THOC1: variants seen among roughly 807,000 people sequenced by gnomAD.
THOC1 encodes the protein THO complex subunit 1, also known as THO complex 1.
THOC1 carries 29 observed loss-of-function variants against 97.3 expected under a neutral mutation model. The observed-to-expected ratio is 0.30, with a 90% CI of 0.22 to 0.41. The LOEUF is 0.41. Among genes scored for constraint, THOC1 ranks in the 10% least tolerant of loss-of-function variants. The probability of loss-of-function intolerance (pLI) is 1.00; values close to 1 mark genes in which losing one functional copy is unlikely to be tolerated. For synonymous variants in THOC1, 255 were observed against 257.0 expected (o/e 0.99, Z 0.07); for missense variants, 529 against 761.9 (o/e 0.69, Z 3.60).
intron 7 of THOC1, among the ~76,000 whole-genome samples, chr18:255,135 CCT>C (rs1348156025): frequency 6.6e-6 from 1 of 152,168 alleles, no homozygotes; most frequent in East Asian, 1.9e-4. Flanking sequence ...CTCCTTATTC[CCT>C]GAGACGAGAC....
intron 11 of THOC1, among the ~76,000 whole-genome samples, chr18:228,003 G>T (rs1223273297): frequency 1.3e-5 from 2 of 152,100 alleles, no homozygotes; most frequent in African/African-American, 4.8e-5. Flanking sequence ...TTTAAGGATT[G>T]AATATATTTG....
At chr18:223,376 A>G in intron 17 of THOC1, 64 bp downstream of exon 17, 5 of 1,324,838 alleles carry the variant, frequency 3.8e-6, no homozygotes, top group Non-Finnish European at 5.2e-6. Flanking sequence ...ATAGCTGAGA[A>G]AAGGCTCCAT....
chr18:218,739 A>G, intron 18 of THOC1, 147 bp downstream of exon 18: 2 of 637,526 alleles, frequency 3.1e-6, no homozygotes, highest in Non-Finnish European at 5.4e-6. Flanking sequence ...ATGTGTACTA[A>G]CAAGAACTTG....
At chr18:223,546 A>G (rs375519048) in intron 16 of THOC1, 41 bp from the exon 17 acceptor site, 171 of 1,474,556 alleles carry the variant, frequency 1.2e-4, no homozygotes, top group Non-Finnish European at 1.5e-4. Context: ...TTTTATGGAC[A>G]CCATCCTCAT....
At chr18:252,437 T>G in intron 9 of THOC1, 102 bp downstream of exon 9, 1 of 883,220 alleles carries the variant, frequency 1.1e-6, no homozygotes, top group East Asian at 2.5e-5. Flanking sequence ...AAATTTCTTA[T>G]AATTTCTTTC....
At chr18:253,243 T>C (rs1052568098) in intron 8 of THOC1, among the ~76,000 whole-genome samples, 8 of 152,190 alleles carry the variant, frequency 5.3e-5, no homozygotes, top group African/African-American at 1.9e-4. Context: ...AATATGCATA[T>C]ATTTTAACCC....
intron 9 of THOC1, among the ~76,000 whole-genome samples, chr18:251,786 C>T (rs1000583814): frequency 2.6e-5 from 4 of 152,186 alleles, no homozygotes; most frequent in African/African-American, 9.7e-5. Flanking sequence ...GGGTTGGTTC[C>T]CGCCCTGCGC....
intron 11 of THOC1, among the ~76,000 whole-genome samples, chr18:240,443 A>G (rs1911858176): frequency 1.3e-5 from 2 of 152,232 alleles, no homozygotes; most frequent in Non-Finnish European, 2.9e-5. Context: ...TATTTAAAGA[A>G]CTGTTCTATC....
rs2143320802 is a variant in THOC1, at chr18:267,952, C to T, written c.54+14G>A. 3 of 1,610,620 alleles carry T rather than the reference C, an allele frequency of 1.9e-6. No homozygotes were observed. Among genetic ancestry groups the T allele is most frequent in the East Asian group, 2.2e-5 (1 of 44,720 alleles). ...GCGCCGGGTCAGGCCTGCACCCTCC[C>T]CTCTACAGCTCACCGTAAACCGCGT... On this transcript the variant is annotated intron_variant, in intron 1 of 20. Coordinates refer to ENST00000261600, the MANE Select transcript of THOC1 (RefSeq NM_005131.3).
intron 11 of THOC1, among the ~76,000 whole-genome samples, chr18:238,045 T>C (rs956460408): frequency 6.6e-6 from 1 of 151,862 alleles, no homozygotes; most frequent in African/African-American, 2.4e-5. Context: ...TTTTGTATTT[T>C]GTGGAGATGG....
At chr18:240,901 GAC>G (rs1434561216) in intron 11 of THOC1, among the ~76,000 whole-genome samples, 4 of 152,126 alleles carry the variant, frequency 2.6e-5, no homozygotes, top group Non-Finnish European at 5.9e-5. Flanking sequence ...GGGAGACAGT[GAC>G]AGATCATCAG....
chr18:266,351 T>C (rs756677110), intron 1 of THOC1, among the ~76,000 whole-genome samples: 6 of 152,118 alleles, frequency 3.9e-5, no homozygotes, highest in Non-Finnish European at 4.4e-5. Flanking sequence ...ACCAGTTAAA[T>C]AAGAGGGTTT....
At position 224,124 on chromosome 18, in the gene THOC1, A is replaced by C; in HGVS notation, c.1264T>G (p.Phe422Val). 6.2e-7 allele frequency: 1 copy of C among 1,611,772 alleles called. No homozygotes were observed. ...IIRKRTAPED[F>V]LGKGPTKKIL... The stretch of plus-strand genomic sequence containing the variant: ...TTTTTGGTGGGTCCTTTCCCTAGGA[A>C]GTCCTCGGGTGCTGTTCTCTTCCGA... Residue 422 changes from phenylalanine (F) to valine (V), a missense_variant, in exon 16 of 21, where the codon TTC (phenylalanine) becomes GTC (valine). Physicochemically the swap from Phe to Val is conservative, Grantham distance 50. Transcript: ENST00000261600.
intron 11 of THOC1, among the ~76,000 whole-genome samples, chr18:229,258 CAAA>C (rs1286612707): frequency 6.6e-6 from 1 of 152,216 alleles, no homozygotes; most frequent in Non-Finnish European, 1.5e-5. Flanking sequence ...TAAGCTCCCT[CAAA>C]AATCTCCCAC....
chr18:233,485 C>T (rs1437312805), intron 11 of THOC1, among the ~76,000 whole-genome samples: 2 of 152,140 alleles, frequency 1.3e-5, no homozygotes, highest in Non-Finnish European at 2.9e-5. Context: ...ACTCGGGAGG[C>T]TGAGGCAAGA....
chr18:243,532 C>T (rs768122671), intron 11 of THOC1, among the ~76,000 whole-genome samples: 1 of 151,108 alleles, frequency 6.6e-6, no homozygotes. Context: ...AGCAAAACTC[C>T]GTCTCAAAAA....
At chr18:238,746 T>G (rs1411029296) in intron 11 of THOC1, among the ~76,000 whole-genome samples, 1 of 152,234 alleles carries the variant, frequency 6.6e-6, no homozygotes, top group African/African-American at 2.4e-5. Flanking sequence ...GGTGCATGAC[T>G]GTACTGTGAA....
intron 6 of THOC1, 29 bp downstream of exon 6, chr18:259,653 A>T: frequency 6.6e-7 from 1 of 1,507,464 alleles, no homozygotes; most frequent in East Asian, 2.5e-5. Flanking sequence ...ACACTTAAAA[A>T]GCAATCATTT....
intron 1 of THOC1, among the ~76,000 whole-genome samples, chr18:265,873 C>T (rs1377111531): frequency 6.6e-6 from 1 of 152,114 alleles, no homozygotes; most frequent in East Asian, 1.9e-4. Flanking sequence ...TCATAGATCC[C>T]TCAAGGTCCT....
Sources: allele counts gnomAD v4.1 joint callset (sites outside exome capture counted in the v4.1 genomes callset), GRCh38; gene constraint gnomAD v4.1.1; transcripts MANE v1.5; gene names NCBI Gene and HGNC (gene_info 2026-07-23, HGNC 2026-07-21).